Variants in DGKH observed in about 807,000 individuals in gnomAD.
The protein encoded by DGKH is DAG kinase eta.
A neutral mutation model predicts 159.3 loss-of-function variants in DGKH; 90 were observed. That is an observed-to-expected ratio of 0.57 (90% CI 0.48 to 0.67). DGKH has a LOEUF of 0.67. DGKH is among the 30% of genes least tolerant of loss of function. DGKH has a pLI of 0.00. For synonymous variants in DGKH, 536 were observed against 553.8 expected (o/e 0.97, Z 0.45); for missense variants, 1,181 against 1,506.1 (o/e 0.78, Z 3.57).
In DGKH at chr13:42,229,101, T is replaced by A; in HGVS notation, c.3576T>A (p.Asp1192Glu). The A allele has an allele frequency of 6.2e-7, 1 of 1,609,654 alleles. No homozygotes were observed. Among genetic ancestry groups the A allele is most frequent in the Non-Finnish European group, 8.5e-7 (1 of 1,178,390 alleles). ...LLHLERRDLK[D>E]LGIPKVGHVK... is the part of the protein sequence containing the mutation. ...CTTTTTCTGTTCTTTTATTTTAGGA[T>A]CTGGGGATACCGAAAGTGGGTCATG... Residue 1192 changes from aspartate to glutamate, a missense_variant and splice_region_variant, in exon 30 of 30, where the codon GAT becomes GAA. Physicochemically the swap from Asp to Glu is conservative, Grantham distance 45. Coordinates refer to ENST00000337343, the MANE Select transcript of DGKH (RefSeq NM_178009.5).
chr13:42,075,906 C>A (rs559379212), intron 1 of DGKH, among the ~76,000 whole-genome samples: 2 of 152,282 alleles, frequency 1.3e-5, no homozygotes, highest in African/African-American at 4.8e-5. Context: ...TTTTTAAAGG[C>A]ACCAAATCTC....
At chr13:42,182,267 ATTACTTCC>A (rs1470232878) in intron 13 of DGKH, among the ~76,000 whole-genome samples, 1 of 152,200 alleles carries the variant, frequency 6.6e-6, no homozygotes, top group Non-Finnish European at 1.5e-5. Flanking sequence ...AACTGATATA[ATTACTTCC>A]CACTGTACCC....
intron 3 of DGKH, among the ~76,000 whole-genome samples, chr13:42,141,989 G>T (rs1280109312): frequency 2.6e-5 from 4 of 151,338 alleles, no homozygotes; most frequent in African/African-American, 9.7e-5. Flanking sequence ...GTCCTGAATG[G>T]TATTGCCTAG....
chr13:42,087,720 CAG>C (rs952253715), intron 1 of DGKH, among the ~76,000 whole-genome samples: 50 of 146,786 alleles, frequency 3.4e-4, no homozygotes, highest in African/African-American at 9.7e-4. Context: ...CAATATAAAA[CAG>C]AATAAAAAGT....
intron 17 of DGKH, among the ~76,000 whole-genome samples, chr13:42,196,262 A>C (rs1216362878): frequency 2.6e-5 from 4 of 152,230 alleles, no homozygotes; most frequent in Non-Finnish European, 5.9e-5. Context: ...AAAGTTAAAC[A>C]TAGAGTTTAC....
At chr13:42,065,402 CACA>C (rs1247698250) in intron 1 of DGKH, among the ~76,000 whole-genome samples, 1 of 152,192 alleles carries the variant, frequency 6.6e-6, no homozygotes, top group Non-Finnish European at 1.5e-5. Context: ...TCATGGATGT[CACA>C]ACAATTTTAA....
chr13:42,140,949 A>G (rs1955535794), intron 3 of DGKH: 1 of 149,200 alleles, frequency 6.7e-6, no homozygotes, highest in African/African-American at 2.5e-5. Flanking sequence ...TTTTTATTAT[A>G]CTTTAAGTTT....
In DGKH at chr13:42,142,450, G is replaced by A. The variant is rs550739212; in HGVS notation, c.384+12818G>A. Among the ~76,000 whole-genome samples, 13 of 151,340 alleles carry A rather than the reference G, an allele frequency of 8.6e-5. No homozygotes were observed. In the South Asian group the frequency reaches 2.6e-3, roughly 30 times the overall value. The stretch of plus-strand genomic sequence containing the variant: ...CTGTGAAGAAAGTCATTGGTAGCTT[G>A]ATGGGGATGGCATTGAATCTATAAA... On this transcript the variant is annotated intron_variant, in intron 3 of 29. Transcript: ENST00000337343.
intron 1 of DGKH, chr13:42,069,460 T>A: frequency 6.5e-7 from 1 of 1,547,032 alleles, no homozygotes; most frequent in Non-Finnish European, 8.9e-7. Context: ...ATCAACAACA[T>A]CAGTAGACTC....
intron 1 of DGKH, among the ~76,000 whole-genome samples, chr13:42,064,676 GAAAA>G (rs774053197): frequency 8.7e-4 from 132 of 152,140 alleles, no homozygotes; most frequent in Non-Finnish European, 1.4e-3. Flanking sequence ...AGGAAAGAAA[GAAAA>G]GAAAGAGTAC....
chr13:42,194,671 T>G (rs1002513833), intron 16 of DGKH, among the ~76,000 whole-genome samples: 4 of 152,210 alleles, frequency 2.6e-5, no homozygotes, highest in Non-Finnish European at 4.4e-5. Context: ...GGTAGACATC[T>G]ATTTTCTACT....
chr13:42,183,866 A>G (rs1956838357), intron 13 of DGKH, among the ~76,000 whole-genome samples: 1 of 152,242 alleles, frequency 6.6e-6, no homozygotes, highest in Non-Finnish European at 1.5e-5. Flanking sequence ...GTAGTTTAAA[A>G]ACTTTTTTAG....
intron 29 of DGKH, among the ~76,000 whole-genome samples, chr13:42,248,651 T>C (rs1958599459): frequency 6.7e-6 from 1 of 148,152 alleles, no homozygotes; most frequent in Non-Finnish European, 1.5e-5. Flanking sequence ...AATTATGATA[T>C]ATATTTATAT....
rs752869621 is a variant in DGKH at position 42,155,302 on chromosome 13, A to C, written c.396A>C (p.Pro132=). ...NANNSFTIIT[P]FRRLMLCAEN... Reference sequence around the variant, plus strand: ...ATTATCCCTTTCAGATCATCACTCCATTCAGAAGGCTAATGCTGTGTGCTG... The same window carrying C: ...ATTATCCCTTTCAGATCATCACTCCCTTCAGAAGGCTAATGCTGTGTGCTG... The change falls in exon 4 of 30, where the codon CCA becomes CCC. Residue 132 remains proline (P), a synonymous_variant. Coordinates refer to ENST00000337343, the MANE Select transcript of DGKH (RefSeq NM_178009.5). The C allele has an allele frequency of 4.4e-6, 7 of 1,601,646 alleles. No homozygotes were observed. The highest frequency in any genetic ancestry group is 5.1e-6 in the Non-Finnish European group (6 of 1,177,002).
At position 42,151,477 on chromosome 13, in the gene DGKH, T is replaced by TGGGG. The variant is rs1165426716; in HGVS notation, c.385-3812_385-3811insGGGG. Among the ~76,000 whole-genome samples the TGGGG allele has an allele frequency of 4.6e-5, 3 of 65,364 alleles. 1 individual carries two copies. Among genetic ancestry groups the TGGGG allele is most frequent in the African/African-American group, 1.6e-4 (3 of 19,054 alleles). 42.9% of individuals were successfully genotyped at this position (65,364 alleles called of 152,430 possible). The stretch of plus-strand genomic sequence containing the variant: ...TTTTTTGTGACTGAGTAGTATTCCA[T>TGGGG]GGTGTGTGTGTGTGTGTGTGTGTGT... On this transcript the variant is annotated intron_variant, in intron 3 of 29. Coordinates refer to ENST00000337343, the MANE Select transcript of DGKH (RefSeq NM_178009.5).
intron 29 of DGKH, among the ~76,000 whole-genome samples, chr13:42,251,837 C>T (rs141394280): frequency 6.6e-6 from 1 of 152,298 alleles, no homozygotes; most frequent in Non-Finnish European, 1.5e-5. Flanking sequence ...TACATACCCC[C>T]CACTAAAGCA....
At chr13:42,210,063 G>T (rs1957609940) in intron 23 of DGKH, among the ~76,000 whole-genome samples, 1 of 123,888 alleles carries the variant, frequency 8.1e-6, no homozygotes, top group Admixed American at 8.9e-5. Flanking sequence ...ATTAAGGTCT[G>T]TCTTTATCAA....
chr13:42,141,481 C>T (rs35792791), intron 3 of DGKH, among the ~76,000 whole-genome samples: 18,203 of 152,168 alleles, frequency 0.12, 1,595 homozygotes, highest in East Asian at 0.42. Context: ...ACCACACTGA[C>T]TTCCACAACG....
At chr13:42,064,660 TA>T (rs1348580269) in intron 1 of DGKH, among the ~76,000 whole-genome samples, 2 of 152,010 alleles carry the variant, frequency 1.3e-5, no homozygotes, top group African/African-American at 4.8e-5. Flanking sequence ...CATTCAAATT[TA>T]AAAAAGGAAA....
Sources: allele counts gnomAD v4.1 joint callset (sites outside exome capture counted in the v4.1 genomes callset), GRCh38; gene constraint gnomAD v4.1.1; transcripts MANE v1.5; gene names NCBI Gene and HGNC (gene_info 2026-07-23, HGNC 2026-07-21).